Variants in NRP1 observed in about 807,000 individuals in gnomAD.
The protein encoded by NRP1 is neuropilin-1.
A neutral mutation model predicts 106.7 loss-of-function variants in NRP1; 35 were observed. The observed-to-expected ratio is 0.33, with a 90% confidence interval of 0.25 to 0.43. The LOEUF is 0.43. Among genes scored for constraint, NRP1 ranks in the 20% least tolerant of loss-of-function variants. The pLI is 1.00. For synonymous variants in NRP1, 437 were observed against 417.9 expected, an observed-to-expected ratio of 1.05 and a Z score of -0.56; for missense variants, 1,024 against 1,170.4, an observed-to-expected ratio of 0.87 and a Z score of 1.83.
intron 6 of NRP1, among the ~76,000 whole-genome samples, chr10:33,230,596 T>C (rs1176537369): frequency 1.0e-5 from 1 of 99,530 alleles, no homozygotes; most frequent in South Asian, 3.1e-4. Flanking sequence ...GTTTCTCATA[T>C]ATGTGTGTGT....
At chr10:33,294,491 G>C (rs111292179) in intron 2 of NRP1, among the ~76,000 whole-genome samples, 1 of 151,964 alleles carries the variant, frequency 6.6e-6, no homozygotes, top group South Asian at 2.1e-4. Flanking sequence ...GGTGGCACAC[G>C]CCTGTAATCC....
At chr10:33,286,424 T>C (rs1844548296) in intron 2 of NRP1, among the ~76,000 whole-genome samples, 1 of 152,152 alleles carries the variant, frequency 6.6e-6, no homozygotes. Flanking sequence ...CTCCTACATC[T>C]GCCCTTCCTG....
intron 6 of NRP1, among the ~76,000 whole-genome samples, chr10:33,234,442 C>A (rs548083425): frequency 2.0e-5 from 3 of 152,020 alleles, no homozygotes; most frequent in African/African-American, 7.2e-5. Flanking sequence ...ATAATTAAAT[C>A]CAATAGCTTT....
intron 9 of NRP1, among the ~76,000 whole-genome samples, chr10:33,208,552 T>C (rs1838007632): frequency 6.6e-6 from 1 of 152,128 alleles, no homozygotes; most frequent in South Asian, 2.1e-4. Context: ...TGGATGAGCC[T>C]CCTTATATCC....
intron 2 of NRP1, among the ~76,000 whole-genome samples, chr10:33,301,342 A>G (rs1845788089): frequency 6.6e-6 from 1 of 152,224 alleles, no homozygotes; most frequent in African/African-American, 2.4e-5. Flanking sequence ...TTCATAAAAT[A>G]AATAAACTGG....
intron 2 of NRP1, among the ~76,000 whole-genome samples, chr10:33,304,016 T>C (rs1235503780): frequency 6.6e-6 from 1 of 152,196 alleles, no homozygotes; most frequent in Non-Finnish European, 1.5e-5. Context: ...GAATCTGTTT[T>C]TCCTTCAAGC....
intron 9 of NRP1, among the ~76,000 whole-genome samples, chr10:33,210,551 T>C (rs906355675): frequency 6.6e-6 from 1 of 152,218 alleles, no homozygotes; most frequent in Non-Finnish European, 1.5e-5. Flanking sequence ...CTAACTGATA[T>C]AATAAACTTA....
rs182067209 is a variant in NRP1, at chr10:33,188,173, G to A, written c.2063-1685C>T. On this transcript the variant is annotated intron_variant, in intron 13 of 16. Coordinates refer to ENST00000374867, the MANE Select transcript of NRP1 (RefSeq NM_003873.7). Reference sequence around the variant, plus strand: ...ACGATGGGAAAAAAATACACCCATCGTGCCTCTGTCCCCTCAATCTTACGG... The same window carrying A: ...ACGATGGGAAAAAAATACACCCATCATGCCTCTGTCCCCTCAATCTTACGG... Among the ~76,000 whole-genome samples, 193 of 152,140 alleles carry A rather than the reference G, an allele frequency of 1.3e-3. 1 individual carries two copies. Among genetic ancestry groups the A allele is most frequent in the African/African-American group, 4.4e-3 (182 of 41,520 alleles).
chr10:33,190,226 C>T (rs1004343504), intron 13 of NRP1, among the ~76,000 whole-genome samples: 2 of 152,212 alleles, frequency 1.3e-5, no homozygotes, highest in African/African-American at 4.8e-5. Context: ...CTCTGGCTAA[C>T]ATAGCTTTTA....
chr10:33,274,177 G>A (rs1254466520), intron 2 of NRP1, among the ~76,000 whole-genome samples: 2 of 152,192 alleles, frequency 1.3e-5, no homozygotes, highest in Non-Finnish European at 2.9e-5. Context: ...CTTTGCCACA[G>A]TTTCAACGTT....
At chr10:33,264,020 A>C in intron 3 of NRP1, 147 bp from the exon 4 acceptor site, 1 of 602,406 alleles carries the variant, frequency 1.7e-6, no homozygotes, top group Non-Finnish European at 2.9e-6. Flanking sequence ...CAGCCTTTTC[A>C]TATTAGTAAA....
At position 33,194,931 on chromosome 10, in the gene NRP1, C is replaced by T. The variant is rs369639506; in HGVS notation, c.1925-2513G>A. On this transcript the variant is annotated intron_variant, in intron 12 of 16. Transcript: ENST00000374867. ...AAACATATAGGACTACTGACGTTTA[C>T]GTTTTCAAAATATTACCCAAGCCCT... Among the ~76,000 whole-genome samples the T allele has an allele frequency of 1.8e-4, 27 of 152,286 alleles. No individual in the cohort carries two copies. The South Asian group carries it at 5.6e-3, about 32-fold the overall frequency.
At chr10:33,259,160 A>G (rs1842406186) in intron 4 of NRP1, among the ~76,000 whole-genome samples, 1 of 152,150 alleles carries the variant, frequency 6.6e-6, no homozygotes. Flanking sequence ...TTTGAAAGAG[A>G]AAACAGAAGA....
rs554407584 is a variant in NRP1, at chr10:33,277,563, G to A, written c.249-6707C>T. On this transcript the variant is annotated intron_variant, in intron 2 of 16. Transcript: ENST00000374867. ...AGGAGCTATGGGGCCTGAGCCTCAG[G>A]GCGTTGCCAGAGAATCCCTAGACCT... Among the ~76,000 whole-genome samples, 6 of 152,342 alleles carry A rather than the reference G, an allele frequency of 3.9e-5. No homozygotes were observed. The South Asian group carries it at 8.3e-4, about 21-fold the overall frequency.
rs199724457 is a variant in NRP1, at chr10:33,221,791, C to T, written c.1210G>A (p.Val404Ile). ...VFPKPLITRF[V>I]RIKPATWETG... ...TCCCAAGTTGCAGGCTTGATTCGGA[C>T]AAATCGAGTTATCAGTGGTTTGGGG... is the stretch of plus-strand genomic sequence containing the variant. The change falls in exon 8 of 17, where the codon GTC becomes ATC. Residue 404 changes from valine to isoleucine, a missense_variant. This residue lies in a region of NRP1 where 562 missense variants were observed against 620.3 expected (regional missense o/e 0.91). Coordinates refer to ENST00000374867, the MANE Select transcript of NRP1 (RefSeq NM_003873.7). 1 of 1,613,936 alleles carries T rather than the reference C, an allele frequency of 6.2e-7. No individual in the cohort carries two copies. The highest frequency in any genetic ancestry group is 1.3e-5 in the African/African-American group (1 of 74,890).
chr10:33,270,961 A>G (rs538663141), intron 2 of NRP1, 105 bp from the exon 3 acceptor site: 1 of 996,674 alleles, frequency 1.0e-6, no homozygotes, highest in South Asian at 2.0e-5. Flanking sequence ...CAGGAAGAAA[A>G]AAAAGTTCTA....
intron 13 of NRP1, among the ~76,000 whole-genome samples, chr10:33,190,882 C>T (rs1673983462): frequency 6.6e-6 from 1 of 151,830 alleles, no homozygotes. Context: ...GAGACAGGTT[C>T]TAATTCTGTC....
At chr10:33,224,840 G>A (rs946779434) in intron 7 of NRP1, among the ~76,000 whole-genome samples, 1 of 152,156 alleles carries the variant, frequency 6.6e-6, no homozygotes, top group Admixed American at 6.5e-5. Flanking sequence ...TCCTCCTGAA[G>A]TAGCGCTTAT....
intron 12 of NRP1, among the ~76,000 whole-genome samples, chr10:33,196,539 G>A (rs1443150713): frequency 6.6e-6 from 1 of 152,152 alleles, no homozygotes; most frequent in Non-Finnish European, 1.5e-5. Context: ...AACTTAAGAT[G>A]TGTGTAGGAC....
Sources: gnomAD v4.1 joint callset for allele counts (sites outside exome capture counted in the v4.1 genomes callset) on GRCh38, gnomAD v4.1.1 for gene constraint, gnomAD v4.1.1 regional missense constraint, MANE v1.5 for transcripts, NCBI Gene and HGNC (gene_info 2026-07-23, HGNC 2026-07-21) for gene names.